Variants in GABRG3 observed in about 807,000 individuals in gnomAD.
GABRG3 encodes gamma-aminobutyric acid type A receptor subunit gamma3, also known as gamma-aminobutyric acid receptor subunit gamma-3.
In GABRG3, 25 loss-of-function variants were observed where a neutral mutation model predicts 48.8. The observed-to-expected ratio is 0.51, with a 90% CI of 0.37 to 0.72. The LOEUF is 0.72. GABRG3 is among the 30% of genes least tolerant of loss of function. The pLI is 0.00. For synonymous variants in GABRG3, 227 were observed against 217.6 expected (o/e 1.04, Z -0.38); for missense variants, 394 against 577.9 (o/e 0.68, Z 3.26).
At chr15:27,349,925 GC>G (rs762229594) in intron 5 of GABRG3, among the ~76,000 whole-genome samples, 71 of 50,932 alleles carry the variant, frequency 1.4e-3, no homozygotes, top group Non-Finnish European at 2.1e-3. Flanking sequence ...ATCCTTTACT[GC>G]CCTAAGGTCT....
chr15:27,278,032 G>A (rs1166020757), intron 3 of GABRG3, among the ~76,000 whole-genome samples: 4 of 151,756 alleles, frequency 2.6e-5, no homozygotes, highest in African/African-American at 9.7e-5. Context: ...ACGCATCTGT[G>A]TGTGTCTGTA....
At chr15:27,508,715 C>CTGT (rs754481321) in intron 6 of GABRG3, among the ~76,000 whole-genome samples, 2 of 150,856 alleles carry the variant, frequency 1.3e-5, no homozygotes, top group East Asian at 2.0e-4. Context: ...GTTGTTGTTG[C>CTGT]TGTTGTTGTT....
intron 3 of GABRG3, among the ~76,000 whole-genome samples, chr15:27,224,554 T>G (rs773171023): frequency 3.9e-5 from 6 of 152,296 alleles, no homozygotes; most frequent in Admixed American, 6.5e-5. Flanking sequence ...ATGCAAGGCA[T>G]CCTCTCTGTG....
In GABRG3 at chr15:27,457,963, C is replaced by G. The variant is rs1239942597; in HGVS notation, c.575-22687C>G. On this transcript the variant is annotated intron_variant, in intron 5 of 9. Coordinates refer to ENST00000615808, the MANE Select transcript of GABRG3 (RefSeq NM_033223.5). The surrounding 1 kb of genome is among the most constrained non-coding windows in gnomAD (Gnocchi z 4.4). ...TTATTGATGTAGCTGAAAGAGGAGG[C>G]AGAAACAGCCTGTGACCATCTGCTT... Among the ~76,000 whole-genome samples, 1 of 152,136 alleles carries G rather than the reference C, an allele frequency of 6.6e-6. No homozygotes were observed. Among genetic ancestry groups the G allele is most frequent in the Non-Finnish European group, 1.5e-5 (1 of 68,028 alleles).
intron 3 of GABRG3, among the ~76,000 whole-genome samples, chr15:27,138,193 G>T (rs941299698): frequency 6.6e-6 from 1 of 152,102 alleles, no homozygotes; most frequent in African/African-American, 2.4e-5. Context: ...TGCATATCCT[G>T]CTCTTCTGAT....
intron 6 of GABRG3, among the ~76,000 whole-genome samples, chr15:27,501,151 C>T (rs1308050721): frequency 3.3e-5 from 5 of 152,018 alleles, no homozygotes; most frequent in African/African-American, 4.8e-5. Context: ...CAGGGTTTCA[C>T]CGTGTTAACC....
intron 5 of GABRG3, among the ~76,000 whole-genome samples, chr15:27,333,585 T>C (rs1893871592): frequency 1.3e-5 from 2 of 152,206 alleles, no homozygotes; most frequent in South Asian, 4.1e-4. Flanking sequence ...TCTAAGATCC[T>C]TCACTTACTC....
chr15:27,322,093 AT>A (rs1156688474), intron 3 of GABRG3, among the ~76,000 whole-genome samples: 2 of 152,260 alleles, frequency 1.3e-5, no homozygotes, highest in Middle Eastern at 3.4e-3. Flanking sequence ...CATTGTAAGA[AT>A]TTTTTTTCTT....
At chr15:27,439,477 TAC>T (rs1888717658) in intron 5 of GABRG3, among the ~76,000 whole-genome samples, 1 of 152,126 alleles carries the variant, frequency 6.6e-6, no homozygotes, top group South Asian at 2.1e-4. Context: ...TCTGTCCCCC[TAC>T]AGACAAACAC....
At chr15:26,997,732 T>C (rs1027236221) in intron 2 of GABRG3, among the ~76,000 whole-genome samples, 5 of 152,234 alleles carry the variant, frequency 3.3e-5, no homozygotes, top group African/African-American at 1.2e-4. Context: ...TATCAATGGA[T>C]ATCTGTGTGT....
intron 2 of GABRG3, among the ~76,000 whole-genome samples, chr15:27,000,309 G>A (rs193036687): frequency 7.4e-4 from 112 of 152,270 alleles, no homozygotes; most frequent in African/African-American, 2.5e-3. Flanking sequence ...GTTGGAAGCA[G>A]CTTGATTCTT....
At chr15:26,993,707 A>G (rs1309683287) in intron 2 of GABRG3, among the ~76,000 whole-genome samples, 2 of 151,928 alleles carry the variant, frequency 1.3e-5, no homozygotes, top group East Asian at 1.9e-4. Context: ...GTGAATATCT[A>G]TCAGGTCCAT....
chr15:27,458,363 C>T (rs1228287842), intron 5 of GABRG3, among the ~76,000 whole-genome samples: 1 of 152,196 alleles, frequency 6.6e-6, no homozygotes, highest in Non-Finnish European at 1.5e-5. Context: ...AATAATAGTA[C>T]TTTTTGACTG....
rs1320452911 is a variant in GABRG3 at position 27,080,284 on chromosome 15, T to TAATA, written c.270+53465_270+53468dup. 1.1e-4 allele frequency among the ~76,000 whole-genome samples: 15 copies of TAATA among 136,268 alleles called. No homozygotes were observed. In the East Asian group the frequency reaches 2.0e-3, roughly 18 times the overall value. The allele number at this position is 136,268 out of a possible 152,430, so 89.4% of individuals were successfully genotyped here. A position where few individuals can be genotyped will look rare whatever the true frequency, so the allele number is the denominator to read the frequency against. On this transcript the variant is annotated intron_variant, in intron 3 of 9. Transcript: ENST00000615808. ...GAACAACATAGCGAGAACCTCTCTC[T>TAATA]AATAAGTAAATAAATAAATAAATAA...
At chr15:27,210,993 G>C (rs888017770) in intron 3 of GABRG3, among the ~76,000 whole-genome samples, 1 of 152,126 alleles carries the variant, frequency 6.6e-6, no homozygotes, top group Non-Finnish European at 1.5e-5. Flanking sequence ...AAATAAAAGA[G>C]GGGGTAGAGA....
Position 27,319,446 on chromosome 15 carries a change from A to G in GABRG3, c.271-7363A>G, listed in dbSNP as rs981697754. The stretch of plus-strand genomic sequence containing the variant: ...TTACCAACACAGGTCACTGCTGACC[A>G]GCACTGTGGTGGGGCAGTCTCTATG... On this transcript the variant is annotated intron_variant, in intron 3 of 9. Transcript: ENST00000615808. The surrounding 1 kb of genome is among the most constrained non-coding windows in gnomAD (Gnocchi z 4.4). 6.6e-6 allele frequency among the ~76,000 whole-genome samples: 1 copy of G among 152,244 alleles called. No homozygotes were observed. Among genetic ancestry groups the G allele is most frequent in the African/African-American group, 2.4e-5 (1 of 41,468 alleles).
At chr15:27,099,949 G>T (rs1897327857) in intron 3 of GABRG3, among the ~76,000 whole-genome samples, 1 of 152,102 alleles carries the variant, frequency 6.6e-6, no homozygotes, top group Non-Finnish European at 1.5e-5. Flanking sequence ...GGGCACGGTG[G>T]CTCACGTCTG....
chr15:26,983,230 A>T (rs189514694), intron 2 of GABRG3, among the ~76,000 whole-genome samples: 67 of 151,718 alleles, frequency 4.4e-4, no homozygotes, highest in Middle Eastern at 6.8e-3. Context: ...AGGTGCAGTG[A>T]ACTTATATGT....
chr15:27,439,856 C>T (rs890093261), intron 5 of GABRG3, among the ~76,000 whole-genome samples: 3 of 152,190 alleles, frequency 2.0e-5, no homozygotes, highest in Admixed American at 6.5e-5. Flanking sequence ...TAGGGGTAGA[C>T]GGCACCAGTA....
Sources: allele counts gnomAD v4.1 joint callset (sites outside exome capture counted in the v4.1 genomes callset), GRCh38; gene constraint gnomAD v4.1.1; non-coding constraint Gnocchi (gnomAD v3.1); transcripts MANE v1.5; gene names NCBI Gene and HGNC (gene_info 2026-07-23, HGNC 2026-07-21).